THADA: variants seen among roughly 807,000 people sequenced by gnomAD.
The protein encoded by THADA is THADA armadillo repeat containing, also known as tRNA (32-2'-O)-methyltransferase regulator THADA.
In THADA, 213 loss-of-function variants were observed where a neutral mutation model predicts 219.8. That is an observed-to-expected ratio of 0.97 (90% CI 0.87 to 1.09). The LOEUF (loss-of-function observed/expected upper bound fraction) is 1.09. Among genes scored for constraint, THADA ranks in the 50% least tolerant of loss-of-function variants. THADA has a pLI of 0.00. For missense variants in THADA, 2,956 were observed against 2,311.3 expected, an observed-to-expected ratio of 1.28 and a Z score of -5.72; for synonymous variants, 1,018 against 828.9, an observed-to-expected ratio of 1.23 and a Z score of -3.92.
chr2:43,259,277 G>T (rs1447038053), intron 36 of THADA, among the ~76,000 whole-genome samples: 1 of 152,204 alleles, frequency 6.6e-6, no homozygotes, highest in African/African-American at 2.4e-5. Context: ...TGAAACTCAA[G>T]ACTACTCAAG....
chr2:43,542,525 C>CA (rs1695458741), intron 20 of THADA, among the ~76,000 whole-genome samples: 1 of 152,152 alleles, frequency 6.6e-6, no homozygotes, highest in African/African-American at 2.4e-5. Context: ...CTTCTGATGA[C>CA]GTTTTACAGC....
chr2:43,232,693 C>G lies in THADA; in HGVS notation c.5466+20G>C. On this transcript the variant is annotated intron_variant, in intron 37 of 37. Coordinates refer to ENST00000405975, the MANE Select transcript of THADA (RefSeq NM_022065.5). ...GACACTCCAACCCTGCCTCCTACTC[C>G]CCTGACACCCCGGGATCACCTGATG... 2 of 1,612,782 alleles carry G rather than the reference C, an allele frequency of 1.2e-6. No individual in the cohort carries two copies. Among genetic ancestry groups the G allele is most frequent in the South Asian group, 1.1e-5 (1 of 90,948 alleles).
intron 20 of THADA, among the ~76,000 whole-genome samples, chr2:43,548,958 C>T (rs1191675577): frequency 2.0e-5 from 3 of 152,312 alleles, no homozygotes; most frequent in South Asian, 2.1e-4. Context: ...CCGTCTTCTG[C>T]GTCACTCCCG....
intron 7 of THADA, among the ~76,000 whole-genome samples, chr2:43,585,569 T>TAGAC (rs1700930909): frequency 1.4e-5 from 2 of 142,938 alleles, no homozygotes; most frequent in Non-Finnish European, 3.0e-5. Flanking sequence ...GATAGATAGA[T>TAGAC]AGATAGATAG....
chr2:43,498,042 T>A (rs928353141), intron 25 of THADA, among the ~76,000 whole-genome samples: 3 of 152,210 alleles, frequency 2.0e-5, no homozygotes, highest in African/African-American at 7.2e-5. Context: ...GGGATGTGTG[T>A]ATACTGATAA....
chr2:43,267,730 A>T (rs564243076), intron 36 of THADA, among the ~76,000 whole-genome samples: 9 of 149,712 alleles, frequency 6.0e-5, no homozygotes, highest in African/African-American at 2.3e-4. Context: ...AAAATGTCAG[A>T]GCACCAAGAA....
chr2:43,505,910 TAC>T (rs1318547955), intron 23 of THADA, among the ~76,000 whole-genome samples, 175 bp from the exon 24 acceptor site: 2 of 152,218 alleles, frequency 1.3e-5, no homozygotes. Context: ...CAGTTGAACC[TAC>T]AGATTCTTCA....
chr2:43,259,572 T>C (rs939825182), intron 36 of THADA, among the ~76,000 whole-genome samples: 2 of 152,216 alleles, frequency 1.3e-5, no homozygotes, highest in Non-Finnish European at 2.9e-5. Flanking sequence ...TAACAACTTA[T>C]TATAGCTGAC....
chr2:43,486,784 G>A (rs1357378415), intron 25 of THADA: 1 of 152,146 alleles, frequency 6.6e-6, no homozygotes, highest in Non-Finnish European at 1.5e-5. Context: ...TTCAAGAGAA[G>A]CCAGGAACCC....
At chr2:43,293,604 T>A (rs1357282416) in intron 31 of THADA, among the ~76,000 whole-genome samples, 2 of 152,160 alleles carry the variant, frequency 1.3e-5, no homozygotes, top group Non-Finnish European at 2.9e-5. Context: ...TCCCAGAAGC[T>A]CTTGGTTGAA....
intron 7 of THADA, among the ~76,000 whole-genome samples, chr2:43,583,836 A>ACG (rs1700721850): frequency 2.0e-5 from 3 of 152,102 alleles, no homozygotes; most frequent in African/African-American, 7.2e-5. Flanking sequence ...TGCGCTTAAG[A>ACG]GTTTGAAACC....
intron 29 of THADA, among the ~76,000 whole-genome samples, chr2:43,350,496 AC>A (rs1668130268): frequency 6.6e-6 from 1 of 152,108 alleles, no homozygotes; most frequent in Admixed American, 6.5e-5. Context: ...TATTAACTGA[AC>A]CCCAACTAGG....
Position 43,590,875 on chromosome 2 carries a change from CCTG to C in THADA, c.248_250del (p.Ala83del). ...CTTTAGACTCAAAGAAAGATAAATG[CCTG>C]CTAAGATATCCAAACAACTTTGAAT... On this transcript the variant is annotated inframe_deletion, in exon 4 of 38. Transcript: ENST00000405975. 1 of 1,613,760 alleles carries C rather than the reference CCTG, an allele frequency of 6.2e-7. No homozygotes were observed. Among genetic ancestry groups the C allele is most frequent in the Non-Finnish European group, 8.5e-7 (1 of 1,179,804 alleles).
chr2:43,357,310 A>G (rs1435228108), intron 29 of THADA, among the ~76,000 whole-genome samples: 1 of 152,210 alleles, frequency 6.6e-6, no homozygotes, highest in Non-Finnish European at 1.5e-5. Flanking sequence ...ATAGATGGAC[A>G]AGAAAATAAG....
chr2:43,584,356 A>G (rs187418537), intron 7 of THADA, among the ~76,000 whole-genome samples: 3 of 152,286 alleles, frequency 2.0e-5, no homozygotes, highest in Admixed American at 1.3e-4. Context: ...TCCTGAGTAC[A>G]TAGGTGGTGG....
chr2:43,414,725 G>A (rs947139115), intron 28 of THADA, among the ~76,000 whole-genome samples: 3 of 152,288 alleles, frequency 2.0e-5, no homozygotes, highest in Middle Eastern at 3.4e-3. Flanking sequence ...GTAATTAATG[G>A]TAGGGACTTG....
chr2:43,595,602 C>G (rs1362846014), intron 1 of THADA: 2 of 152,388 alleles, frequency 1.3e-5, no homozygotes, highest in African/African-American at 4.8e-5. Flanking sequence ...TACCGCAAGG[C>G]CAGAAGGTGC....
In THADA at chr2:43,398,226, C is replaced by T. The variant is rs888394121; in HGVS notation, c.4059-87G>A. ...ATACTTACATTCTATCTAGCATGGC[C>T]TGGAACATCCAGGGGTTAGGGGGAG... On this transcript the variant is annotated intron_variant, in intron 28 of 37. Transcript: ENST00000405975. 4 of 1,413,362 alleles carry T rather than the reference C, an allele frequency of 2.8e-6. No homozygotes were observed. The African/African-American group carries it at 5.6e-5, about 20-fold the overall frequency. 87.6% of individuals were successfully genotyped at this position (1,413,362 alleles called of 1,614,324 possible). A position where few individuals can be genotyped will look rare whatever the true frequency, so the allele number is the denominator to read the frequency against.
intron 13 of THADA, among the ~76,000 whole-genome samples, chr2:43,570,798 A>G (rs928648170): frequency 1.3e-5 from 2 of 152,042 alleles, no homozygotes; most frequent in East Asian, 3.8e-4. Context: ...TTCACCCCAT[A>G]AATGTGTGTG....
Sources: allele counts gnomAD v4.1 joint callset (sites outside exome capture counted in the v4.1 genomes callset), GRCh38; gene constraint gnomAD v4.1.1; transcripts MANE v1.5; gene names NCBI Gene and HGNC (gene_info 2026-07-23, HGNC 2026-07-21).